Variants in IDS observed in about 807,000 individuals in gnomAD.
The protein encoded by IDS is alpha-L-iduronate sulfate sulfatase.
IDS carries 1 observed loss-of-function variant against 33.5 expected under a neutral mutation model. The observed-to-expected ratio is 0.03, with a 90% confidence interval of 0.01 to 0.14. The LOEUF (loss-of-function observed/expected upper bound fraction) is 0.14. Ranked by LOEUF, IDS falls within the 10% of genes least tolerant of loss-of-function variation. The pLI is 1.00. For synonymous variants in IDS, 191 were observed against 184.4 expected (o/e 1.04, Z -0.29); for missense variants, 328 against 448.0 (o/e 0.73, Z 2.42).
rs1239572105 is a variant in IDS at position 149,491,806 on chromosome X, C to A, written c.880-1366G>T. ...TGAGCCACCCCATCCAGTGAGGACA[C>A]AATCATGGAGACAAGAAAATGCTTA... On this transcript the variant is annotated intron_variant, in intron 6 of 8. Transcript: ENST00000340855. 1.5e-5 allele frequency: 5 copies of A among 334,646 alleles called. No homozygotes were observed. In the Admixed American group the frequency reaches 1.6e-4, roughly 11 times the overall value. The allele number at this position is 334,646 out of a possible 1,213,427, so 27.6% of individuals were successfully genotyped here.
At position 149,493,964 on chromosome X, in the gene IDS, G is replaced by A. The variant is rs782315343; in HGVS notation, c.879+2382C>T. ...CACTGAGAAATGGGGCACAGGGGTG[G>A]CAAAGGCCTGGAGGGGAGCAGTGAA... On this transcript the variant is annotated intron_variant, in intron 6 of 8. Coordinates refer to ENST00000340855, the MANE Select transcript of IDS (RefSeq NM_000202.8). 2.7e-5 allele frequency among the ~76,000 whole-genome samples: 3 copies of A among 111,514 alleles called. No homozygotes were observed. The East Asian group carries it at 8.5e-4, about 32-fold the overall frequency.
At chrX:149,499,688 G>T (rs1237107835) in intron 4 of IDS, among the ~76,000 whole-genome samples, 2 of 110,465 alleles carry the variant, frequency 1.8e-5, no homozygotes, top group Non-Finnish European at 3.8e-5. Context: ...ACTTCAAAAG[G>T]GAGAGTTTTA....
intron 3 of IDS, chrX:149,502,700 A>T (rs1433845200): frequency 7.8e-6 from 1 of 127,862 alleles, no homozygotes; most frequent in Non-Finnish European, 1.6e-5. Flanking sequence ...CTATAAATAA[A>T]AAGTTTTAAA....
At chrX:149,504,950 T>A in intron 1 of IDS, 85 bp downstream of exon 1, 1 of 702,952 alleles carries the variant, frequency 1.4e-6, no homozygotes, top group Non-Finnish European at 2.2e-6. Flanking sequence ...AGAATGGATA[T>A]AAACAAAGAA....
intron 7 of IDS, chrX:149,487,377 T>C (rs2089346941): frequency 1.2e-6 from 1 of 839,962 alleles, no homozygotes; most frequent in Admixed American, 2.3e-5. Flanking sequence ...ACTAGCAACA[T>C]ATACCTAACG....
intron 8 of IDS, 130 bp from the exon 9 acceptor site, chrX:149,483,348 C>A: frequency 9.7e-6 from 5 of 514,270 alleles, no homozygotes; most frequent in Admixed American, 9.5e-5. Flanking sequence ...TTATCTTTAG[C>A]AACAGACGTT....
At chrX:149,486,775 C>T in intron 8 of IDS, 150 bp downstream of exon 8, 6 of 616,460 alleles carry the variant, frequency 9.7e-6, no homozygotes, top group Non-Finnish European at 1.6e-5. Context: ...AAAGCGTGTG[C>T]TGACCACAAA....
intron 1 of IDS, among the ~76,000 whole-genome samples, chrX:149,504,806 G>A (rs1391163250): frequency 1.0e-4 from 11 of 106,945 alleles, no homozygotes; most frequent in African/African-American, 3.4e-4. Flanking sequence ...AGCACGGAGG[G>A]ATAGGAGATG....
In IDS at chrX:149,505,297, C is replaced by G. The variant is rs1329257125; in HGVS notation, c.-160G>C. The G allele has an allele frequency of 6.4e-6, 2 of 312,747 alleles. No individual in the cohort carries two copies. The highest frequency in any genetic ancestry group is 1.1e-5 in the Non-Finnish European group (2 of 179,208). The allele number at this position is 312,747 out of a possible 1,213,427, so 25.8% of individuals were successfully genotyped here. Reference sequence around the variant, plus strand: ...GGCCCGCAGGCCCGGGCGCTGGCCGCAGCGCGAGTGCGTCCGTGCGACTCT... The same window carrying G: ...GGCCCGCAGGCCCGGGCGCTGGCCGGAGCGCGAGTGCGTCCGTGCGACTCT... On this transcript the variant is annotated 5_prime_UTR_variant, in exon 1 of 9. Coordinates refer to ENST00000340855, the MANE Select transcript of IDS (RefSeq NM_000202.8).
intron 3 of IDS, chrX:149,502,020 C>G (rs1202864610): frequency 3.9e-6 from 1 of 254,487 alleles, no homozygotes; most frequent in Non-Finnish European, 7.7e-6. Flanking sequence ...AAAAACCCAC[C>G]TTGCTTGCTG....
intron 6 of IDS, among the ~76,000 whole-genome samples, chrX:149,492,979 G>A (rs1004936798): frequency 1.1e-4 from 12 of 111,001 alleles, no homozygotes; most frequent in South Asian, 3.9e-4. Flanking sequence ...GGCAGGGGGC[G>A]CAAGAGGAGG....
At position 149,499,736 on chromosome X, in the gene IDS, GA is replaced by G. The variant is rs1280506516; in HGVS notation, c.507+1212del. The stretch of plus-strand genomic sequence containing the variant: ...TCTATTTTAATTAAAAATTTAAAAA[GA>G]AAAAAAAAACCCATTTCAAATTTCA... On this transcript the variant is annotated intron_variant, in intron 4 of 8. Coordinates refer to ENST00000340855, the MANE Select transcript of IDS (RefSeq NM_000202.8). Among the ~76,000 whole-genome samples the G allele has an allele frequency of 2.6e-3, 277 of 105,572 alleles. 3 individuals carry two copies. Among genetic ancestry groups the G allele is most frequent in the African/African-American group, 8.6e-3 (249 of 29,027 alleles). The allele number at this position is 105,572 out of a possible 115,157, so 91.7% of individuals were successfully genotyped here.
intron 7 of IDS, among the ~76,000 whole-genome samples, chrX:149,487,736 G>T (rs1451507164): frequency 1.8e-5 from 2 of 110,673 alleles, no homozygotes; most frequent in Non-Finnish European, 1.9e-5. Context: ...TGCAAAAGAT[G>T]GTTTGAATAT....
At position 149,504,220 on chromosome X, in the gene IDS, C is replaced by T. The variant is rs782743276; in HGVS notation, c.177G>A (p.Val59=). The change falls in exon 2 of 9, where the codon GTG becomes GTA. Residue 59 remains valine, a synonymous_variant. Transcript: ENST00000340855. ...PSLGCYGDKL[V]RSPNIDQLAS... Reference sequence around the variant, plus strand: ...CCAGTTGGTCAATATTTGGGGACCTCACCAGCTTATCCCCATAACAGCCCA... The same window carrying T: ...CCAGTTGGTCAATATTTGGGGACCTTACCAGCTTATCCCCATAACAGCCCA... 4 of 1,208,346 alleles carry T rather than the reference C, an allele frequency of 3.3e-6. No homozygotes were observed. The South Asian group carries it at 7.1e-5, about 21-fold the overall frequency.
chrX:149,485,743 T>C (rs782269783), intron 8 of IDS, among the ~76,000 whole-genome samples: 1 of 112,220 alleles, frequency 8.9e-6, no homozygotes, highest in Non-Finnish European at 1.9e-5. Flanking sequence ...TCAGAAAAGA[T>C]TCTCAACCAA....
At chrX:149,494,230 G>T (rs1187153398) in intron 6 of IDS, among the ~76,000 whole-genome samples, 2 of 111,919 alleles carry the variant, frequency 1.8e-5, no homozygotes, top group Non-Finnish European at 1.9e-5. Context: ...GGACAAGTAT[G>T]GTGAGCTGGG....
rs2089438419 is a variant in IDS at position 149,496,520 on chromosome X, G to C, written c.709-4C>G. ...AGGGATACAACTTCTGAAATTCCTT[G>C]GGGAAAAACACAAAGCCACAAAGTT... On this transcript the variant is annotated splice_polypyrimidine_tract_variant and splice_region_variant and intron_variant, in intron 5 of 8. Transcript: ENST00000340855. 4.1e-6 allele frequency: 5 copies of C among 1,208,982 alleles called. No homozygotes were observed. The South Asian group carries it at 7.0e-5, about 17-fold the overall frequency.
intron 6 of IDS, chrX:149,495,592 C>T (rs2089429853): frequency 9.0e-6 from 1 of 111,380 alleles, no homozygotes; most frequent in South Asian, 3.9e-4. Context: ...AATTCTAAGG[C>T]AGGTAGTCCA....
intron 8 of IDS, among the ~76,000 whole-genome samples, chrX:149,485,485 A>G (rs1353358917): frequency 5.4e-5 from 6 of 112,070 alleles, no homozygotes; most frequent in Non-Finnish European, 1.1e-4. Context: ...AGATTATTCC[A>G]TGATTTTTTG....
Sources: allele counts gnomAD v4.1 joint callset (sites outside exome capture counted in the v4.1 genomes callset), GRCh38; gene constraint gnomAD v4.1.1; transcripts MANE v1.5; gene names NCBI Gene and HGNC (gene_info 2026-07-23, HGNC 2026-07-21).